Variants in DNPEP observed in about 807,000 individuals in gnomAD.
DNPEP encodes the protein aspartyl aminopeptidase.
DNPEP carries 46 observed loss-of-function variants against 59.1 expected under a neutral mutation model. That is an observed-to-expected ratio of 0.78 (90% CI 0.61 to 0.99). The LOEUF (loss-of-function observed/expected upper bound fraction) is 0.99. Among genes scored for constraint, DNPEP ranks in the 50% least tolerant of loss-of-function variants. The probability of loss-of-function intolerance (pLI) is 0.00; values close to 1 mark genes in which losing one functional copy is unlikely to be tolerated. For synonymous variants in DNPEP, 229 were observed against 242.2 expected (o/e 0.95, Z 0.50); for missense variants, 617 against 649.9 (o/e 0.95, Z 0.55).
intron 13 of DNPEP, among the ~76,000 whole-genome samples, chr2:219,376,182 A>G (rs1392197858): frequency 3.9e-5 from 6 of 152,198 alleles, no homozygotes; most frequent in Non-Finnish European, 7.3e-5. Context: ...CCATGATTCT[A>G]AGATAGTCAG....
At chr2:219,391,294 G>C (rs1332586106), upstream of DNPEP, among the ~76,000 whole-genome samples, 1 of 152,100 alleles carries the variant, frequency 6.6e-6, no homozygotes, top group Non-Finnish European at 1.5e-5. Flanking sequence ...CTGAACTTTG[G>C]GGGTATGTTT....
Position 219,382,050 on chromosome 2 carries a change from G to A in DNPEP, c.1026C>T (p.Ala342=). 1 of 1,614,172 alleles carries A rather than the reference G, an allele frequency of 6.2e-7. No individual in the cohort carries two copies. The highest frequency in any genetic ancestry group is 1.1e-5 in the South Asian group (1 of 91,086). Residue 342 remains alanine (A), a synonymous_variant, in exon 11 of 15, where the codon GCC becomes GCT. Coordinates refer to ENST00000273075, the MANE Select transcript of DNPEP (RefSeq NM_012100.4). ...AGGACTTGGGTATGGCTTCCTCGAA[G>A]GCTGTCGGGTGCTGGCACGAGGCTG... ...RISASCQHPT[A]FEEAIPKSFM...
In DNPEP at chr2:219,374,947, C is replaced by A. The variant is rs749769954; in HGVS notation, c.1315G>T (p.Val439Leu). The change falls in exon 14 of 15, where the codon GTG (valine) becomes TTG (leucine). Residue 439 changes from valine to leucine, a missense_variant. By Grantham distance (32) the Val-to-Leu change is conservative. Coordinates refer to ENST00000273075, the MANE Select transcript of DNPEP (RefSeq NM_012100.4). ...AGTTGGGGGCTGCCTAAATCCAGCACCCGCAGCCCCAGCCGAGAAGCCAAG... is the reference window on the plus strand; with the variant it reads ...AGTTGGGGGCTGCCTAAATCCAGCAACCGCAGCCCCAGCCGAGAAGCCAAG... The part of the protein sequence containing the change: ...PILASRLGLR[V>L]LDLGSPQLAM... 9.3e-6 allele frequency: 15 copies of A among 1,614,160 alleles called. No individual in the cohort carries two copies. The highest frequency in any genetic ancestry group is 1.2e-5 in the Non-Finnish European group (14 of 1,180,032).
intron 10 of DNPEP, among the ~76,000 whole-genome samples, chr2:219,382,893 T>C (rs1574981219): frequency 6.6e-6 from 1 of 152,220 alleles, no homozygotes; most frequent in Non-Finnish European, 1.5e-5. Flanking sequence ...GTAGAGTCCC[T>C]GTCCTAAAGG....
In DNPEP at chr2:219,386,370, T is replaced by C. The variant is rs1251177927; in HGVS notation, c.375A>G (p.Gln125=). The C allele has an allele frequency of 6.2e-7, 1 of 1,614,094 alleles. No homozygotes were observed. Among genetic ancestry groups the C allele is most frequent in the Non-Finnish European group, 8.5e-7 (1 of 1,180,040 alleles). Residue 125 remains glutamine (Q), a synonymous_variant, in exon 5 of 15, where the codon CAA becomes CAG. Coordinates refer to ENST00000273075, the MANE Select transcript of DNPEP (RefSeq NM_012100.4). ...CACCACCATAGGTCTCCACACCGAC[T>C]TGCTGGAAGCCCACCTGGCTGCGGC... ...RSRRSQVGFQ[Q]VGVETYGGGI...
chr2:219,384,225 G>T, intron 9 of DNPEP, 141 bp downstream of exon 9: 1 of 756,404 alleles, frequency 1.3e-6, no homozygotes, highest in Non-Finnish European at 2.1e-6. Context: ...CCCCCTCCTG[G>T]TCCATCCAGC....
Position 219,386,683 on chromosome 2 carries a change from CG to C in DNPEP, c.314del (p.Thr105ArgfsTer8), listed in dbSNP as rs775787510. On this transcript the variant is annotated frameshift_variant, in exon 4 of 15. Transcript: ENST00000273075. LOFTEE classifies it high-confidence loss of function. ...GNGFSLIGAH[T>X]DSPCLRVKRR... is the part of the protein sequence containing the mutation. ...TCCTTACCCGGAGGCAGGGGCTGTC[CG>C]TGTGGGCCCCGATGAGGCTGAAGCC... 3.3e-5 allele frequency: 53 copies of C among 1,612,044 alleles called. No individual in the cohort carries two copies. Among genetic ancestry groups the C allele is most frequent in the Non-Finnish European group, 4.5e-5 (53 of 1,179,532 alleles).
chr2:219,383,465 T>C lies in DNPEP; in HGVS notation c.853-251A>G, dbSNP rs563969722. Among the ~76,000 whole-genome samples, 568 of 150,552 alleles carry C rather than the reference T, an allele frequency of 3.8e-3. 7 individuals are homozygous for C. Among genetic ancestry groups the C allele is most frequent in the African/African-American group, 0.013 (539 of 40,714 alleles). The stretch of plus-strand genomic sequence containing the variant: ...AAACCTTTAAGGTGTGGTGAGGACC[T>C]TTTTTTTCTCTTTTTTTCTTTCTTT... On this transcript the variant is annotated intron_variant, in intron 9 of 14. Coordinates refer to ENST00000273075, the MANE Select transcript of DNPEP (RefSeq NM_012100.4).
intron 13 of DNPEP, among the ~76,000 whole-genome samples, chr2:219,376,838 T>C (rs569259629): frequency 1.3e-5 from 2 of 152,230 alleles, no homozygotes; most frequent in South Asian, 2.1e-4. Flanking sequence ...GTCAGGTCAA[T>C]AGGGGAAAAG....
chr2:219,390,785 G>A (rs1192763829), upstream of DNPEP, among the ~76,000 whole-genome samples: 2 of 152,112 alleles, frequency 1.3e-5, no homozygotes, highest in Non-Finnish European at 2.9e-5. Context: ...AGCCGAGATC[G>A]TGCCATTGCA....
chr2:219,391,306 C>T (rs144662332), upstream of DNPEP, among the ~76,000 whole-genome samples: 103 of 152,218 alleles, frequency 6.8e-4, 1 homozygote, highest in Middle Eastern at 3.4e-3. Context: ...GGTATGTTTG[C>T]ACAGACCTTT....
chr2:219,374,455 CT>C, intron 14 of DNPEP, 113 bp from the exon 15 acceptor site: 1 of 960,338 alleles, frequency 1.0e-6, no homozygotes, highest in Non-Finnish European at 1.6e-6. Flanking sequence ...GAGGTTTCAT[CT>C]GTTCTTGACA....
chr2:219,386,662 TAC>T lies in DNPEP; in HGVS notation c.333+1_333+2del, dbSNP rs1953852202. The T allele has an allele frequency of 6.2e-7, 1 of 1,609,586 alleles. No individual in the cohort carries two copies. Among genetic ancestry groups the T allele is most frequent in the South Asian group, 1.1e-5 (1 of 90,026 alleles). On this transcript the variant is annotated splice_donor_variant, in intron 4 of 14. Coordinates refer to ENST00000273075, the MANE Select transcript of DNPEP (RefSeq NM_012100.4). LOFTEE classifies it high-confidence loss of function. ...CCACCCCAACACCGTCCGAGTTCCT[TAC>T]CCGGAGGCAGGGGCTGTCCGTGTGG...
At chr2:219,396,039 G>A (rs1234032031) in intron 1 of DNPEP, among the ~76,000 whole-genome samples, 4 of 152,192 alleles carry the variant, frequency 2.6e-5, no homozygotes, top group Admixed American at 1.3e-4. Context: ...TAAATGCAAC[G>A]CTGTGGATGG....
At chr2:219,384,300 C>T in intron 9 of DNPEP, 66 bp downstream of exon 9, 2 of 1,496,954 alleles carry the variant, frequency 1.3e-6, no homozygotes, top group Non-Finnish European at 1.8e-6. Flanking sequence ...TAGGCAGCTC[C>T]CCCGACCCCA....
At position 219,374,055 on chromosome 2, in the gene DNPEP, G is replaced by T. The variant is rs576793956; in HGVS notation, c.*237C>A. On this transcript the variant is annotated 3_prime_UTR_variant, in exon 15 of 15. Coordinates refer to ENST00000273075, the MANE Select transcript of DNPEP (RefSeq NM_012100.4). ...AGACATGGACTTGAGACAGAGAAGAGATTTAAAACCAGATTTAAAACCATC... is the reference window on the plus strand; with the variant it reads ...AGACATGGACTTGAGACAGAGAAGATATTTAAAACCAGATTTAAAACCATC... The T allele has an allele frequency of 7.9e-6, 4 of 509,100 alleles. No homozygotes were observed. The South Asian group carries it at 9.9e-5, about 13-fold the overall frequency. The allele number at this position is 509,100 out of a possible 1,614,324, so 31.5% of individuals were successfully genotyped here.
Position 219,378,334 on chromosome 2 carries a change from C to T in DNPEP, c.1239+3001G>A, listed in dbSNP as rs147374466. ...CCTGCCTTTCTCTCCTCCTAAAAGA[C>T]GAGCTCATTCCTGGCCCCCCTTGGG... is the stretch of plus-strand genomic sequence containing the variant. On this transcript the variant is annotated intron_variant, in intron 13 of 14. Transcript: ENST00000273075. 2.3e-3 allele frequency among the ~76,000 whole-genome samples: 345 copies of T among 152,312 alleles called. 1 individual carries two copies. The Middle Eastern group carries it at 0.031, about 14-fold the overall frequency.
chr2:219,383,081 G>A, intron 10 of DNPEP, 50 bp downstream of exon 10: 1 of 1,542,378 alleles, frequency 6.5e-7, no homozygotes, highest in Non-Finnish European at 9.0e-7. Context: ...ACAACAAGTT[G>A]GCTGTGGAAG....
intron 11 of DNPEP, 100 bp downstream of exon 11, chr2:219,381,879 G>A: frequency 7.0e-7 from 1 of 1,428,076 alleles, no homozygotes; most frequent in Non-Finnish European, 9.6e-7. Context: ...GAATGAAGAA[G>A]GGAGAAAGGA....
Sources: allele counts gnomAD v4.1 joint callset (sites outside exome capture counted in the v4.1 genomes callset), GRCh38; gene constraint gnomAD v4.1.1; transcripts MANE v1.5; gene names NCBI Gene and HGNC (gene_info 2026-07-23, HGNC 2026-07-21).